Variants in SOX5 observed in about 807,000 individuals in gnomAD.
SOX5 encodes the protein transcription factor SOX-5.
Under a neutral mutation model 92.0 loss-of-function variants are expected in SOX5, and 9 were observed. That is an observed-to-expected ratio of 0.10 (90% CI 0.06 to 0.17). The LOEUF (loss-of-function observed/expected upper bound fraction) is 0.17. Among genes scored for constraint, SOX5 ranks in the 10% least tolerant of loss-of-function variants. The pLI, the probability that SOX5 is intolerant of heterozygous loss-of-function variation, is 1.00. For missense variants in SOX5, 642 were observed against 944.5 expected, an observed-to-expected ratio of 0.68 and a Z score of 4.20; for synonymous variants, 344 against 336.3, an observed-to-expected ratio of 1.02 and a Z score of -0.25.
chr12:23,942,716 T>C (rs954933413), intron 1 of SOX5, among the ~76,000 whole-genome samples: 3 of 151,292 alleles, frequency 2.0e-5, no homozygotes, highest in African/African-American at 7.3e-5. Context: ...TTACACTTAC[T>C]CTCAATGCAT....
chr12:23,727,973 T>C (rs895727856), intron 6 of SOX5, among the ~76,000 whole-genome samples: 3 of 152,012 alleles, frequency 2.0e-5, no homozygotes, highest in Non-Finnish European at 2.9e-5. Flanking sequence ...GACAGAGAAA[T>C]AAGAAGAATG....
At chr12:23,943,259 GAA>G (rs886869570) in intron 1 of SOX5, among the ~76,000 whole-genome samples, 95 of 139,616 alleles carry the variant, frequency 6.8e-4, no homozygotes, top group African/African-American at 2.3e-3. Context: ...TAAGTGAAGA[GAA>G]AAAAAAAAAA....
intron 1 of SOX5, among the ~76,000 whole-genome samples, chr12:24,411,104 G>C (rs1224138747): frequency 6.6e-6 from 1 of 152,008 alleles, no homozygotes; most frequent in Non-Finnish European, 1.5e-5. Flanking sequence ...GCCATTCATT[G>C]CTAGTATTAA....
intron 4 of SOX5, among the ~76,000 whole-genome samples, chr12:24,180,621 T>C (rs66514763): frequency 0.11 from 16,944 of 152,222 alleles, 1,258 homozygotes; most frequent in East Asian, 0.38. Flanking sequence ...TACTTCATTC[T>C]CTCAGTTAAC....
intron 2 of SOX5, among the ~76,000 whole-genome samples, chr12:24,363,970 C>A (rs1314784552): frequency 6.6e-6 from 1 of 152,144 alleles, no homozygotes; most frequent in Non-Finnish European, 1.5e-5. Context: ...CCTTCAGGCC[C>A]TATTGGATCA....
intron 4 of SOX5, among the ~76,000 whole-genome samples, chr12:24,211,774 A>G (rs910902876): frequency 1.3e-5 from 2 of 152,186 alleles, no homozygotes; most frequent in African/African-American, 4.8e-5. Flanking sequence ...AGTTGATTGG[A>G]CCAAGTTTCT....
At chr12:23,640,299 G>A (rs1441158453) in intron 8 of SOX5, among the ~76,000 whole-genome samples, 1 of 152,104 alleles carries the variant, frequency 6.6e-6, no homozygotes, top group Non-Finnish European at 1.5e-5. Context: ...TGGGATGACT[G>A]GGATAAAGTT....
intron 4 of SOX5, among the ~76,000 whole-genome samples, chr12:24,210,637 A>G (rs948487304): frequency 2.0e-5 from 3 of 152,228 alleles, no homozygotes; most frequent in Non-Finnish European, 4.4e-5. Flanking sequence ...ATTTTTAAAT[A>G]TTATATATCA....
intron 1 of SOX5, among the ~76,000 whole-genome samples, chr12:24,385,082 G>T (rs1958243934): frequency 6.6e-6 from 1 of 152,034 alleles, no homozygotes; most frequent in African/African-American, 2.4e-5. Context: ...TGTTATAATT[G>T]TTCTATTTTA....
At chr12:23,929,694 C>T (rs1176882579) in intron 1 of SOX5, among the ~76,000 whole-genome samples, 1 of 151,836 alleles carries the variant, frequency 6.6e-6, no homozygotes, top group Non-Finnish European at 1.5e-5. Context: ...TATACTTTTA[C>T]AATTCTTAAT....
chr12:24,055,712 C>T (rs193004148), intron 4 of SOX5, among the ~76,000 whole-genome samples: 4 of 151,940 alleles, frequency 2.6e-5, no homozygotes, highest in Non-Finnish European at 4.4e-5. Flanking sequence ...TCTTGTCTAA[C>T]AATTAGTTGC....
At chr12:24,197,273 T>G (rs1334664024) in intron 4 of SOX5, among the ~76,000 whole-genome samples, 1 of 152,178 alleles carries the variant, frequency 6.6e-6, no homozygotes, top group Admixed American at 6.5e-5. Flanking sequence ...ATATAAAATA[T>G]TCCGTCAGAA....
chr12:24,050,159 A>T (rs1957431083), intron 4 of SOX5, among the ~76,000 whole-genome samples: 1 of 151,556 alleles, frequency 6.6e-6, no homozygotes, highest in Admixed American at 6.6e-5. Context: ...TGATCATTAC[A>T]AACGTCTTTG....
At chr12:23,538,171 A>T (rs1355040341) in intron 13 of SOX5, among the ~76,000 whole-genome samples, 1 of 152,174 alleles carries the variant, frequency 6.6e-6, no homozygotes, top group African/African-American at 2.4e-5. Context: ...AAATGCAAAT[A>T]GCTCACTGTT....
chr12:23,971,266 G>C (rs562630228), intron 4 of SOX5, among the ~76,000 whole-genome samples: 101 of 151,244 alleles, frequency 6.7e-4, no homozygotes, highest in South Asian at 6.1e-3. Context: ...GGGACTACAG[G>C]TGCCCGCCAC....
At chr12:24,501,923 A>T (rs1948247886) in intron 1 of SOX5, among the ~76,000 whole-genome samples, 1 of 152,230 alleles carries the variant, frequency 6.6e-6, no homozygotes. Flanking sequence ...ATTGTCGATA[A>T]AAACTGAAGA....
At chr12:24,460,210 A>G (rs1168242854) in intron 1 of SOX5, among the ~76,000 whole-genome samples, 3 of 152,212 alleles carry the variant, frequency 2.0e-5, no homozygotes, top group African/African-American at 7.2e-5. Flanking sequence ...CAGTCAAATC[A>G]AATTAAATGG....
At chr12:23,832,310 A>T (rs1487945702) in intron 3 of SOX5, among the ~76,000 whole-genome samples, 1 of 152,048 alleles carries the variant, frequency 6.6e-6, no homozygotes, top group Non-Finnish European at 1.5e-5. Flanking sequence ...AAATGTATAT[A>T]AATAAACTTC....
At position 24,355,257 on chromosome 12, in the gene SOX5, T is replaced by G. The variant is rs77587727; in HGVS notation, c.-174+13306A>C. On this transcript the variant is annotated intron_variant, in intron 2 of 4. Transcript: ENST00000446891. Reference sequence around the variant, plus strand: ...ACCAATATCACCTGGGGTTCAGGAGTTAGCAGGTGTGGTGAGGGGTGCATC... The same window carrying G: ...ACCAATATCACCTGGGGTTCAGGAGGTAGCAGGTGTGGTGAGGGGTGCATC... Among the ~76,000 whole-genome samples, 869 of 144,810 alleles carry G rather than the reference T, an allele frequency of 6.0e-3. 9 individuals are homozygous for G. Among genetic ancestry groups the G allele is most frequent in the African/African-American group, 0.021 (832 of 39,550 alleles).
Sources: allele counts gnomAD v4.1 joint callset (sites outside exome capture counted in the v4.1 genomes callset), GRCh38; gene constraint gnomAD v4.1.1; transcripts MANE v1.5; gene names NCBI Gene and HGNC (gene_info 2026-07-23, HGNC 2026-07-21).